FHOD3: variants seen among roughly 807,000 people sequenced by gnomAD.
FHOD3 encodes formin homology 2 domain containing 3, also known as FH1/FH2 domain-containing protein 3.
A neutral mutation model predicts 173.0 loss-of-function variants in FHOD3; 90 were observed. The observed-to-expected ratio is 0.52, with a 90% CI of 0.44 to 0.62. The LOEUF is 0.62. FHOD3 is among the 20% of genes least tolerant of loss of function. The pLI is 0.00. For synonymous variants in FHOD3, 828 were observed against 823.0 expected (o/e 1.01, Z -0.10); for missense variants, 1,945 against 2,034.7 (o/e 0.96, Z 0.85).
At chr18:36,629,654 A>G (rs990711598) in intron 10 of FHOD3, among the ~76,000 whole-genome samples, 6 of 152,168 alleles carry the variant, frequency 3.9e-5, no homozygotes, top group Admixed American at 2.0e-4. Flanking sequence ...CCATGAAGAG[A>G]TAGAGACTAT....
Position 36,297,735 on chromosome 18 carries a change from G to C in FHOD3, c.-101G>C. ...CCTGAGCCTGCGAGTCCGCGAGCCA[G>C]CGAGCTGCGGCTGCGGCCTCCCCTG... is the stretch of plus-strand genomic sequence containing the variant. On this transcript the variant is annotated 5_prime_UTR_variant, in exon 1 of 29. Transcript: ENST00000590592. 1 of 944,802 alleles carries C rather than the reference G, an allele frequency of 1.1e-6. No homozygotes were observed. Among genetic ancestry groups the C allele is most frequent in the Non-Finnish European group, 1.4e-6 (1 of 739,300 alleles). The allele number at this position is 944,802 out of a possible 1,614,324, so 58.5% of individuals were successfully genotyped here. A position where few individuals can be genotyped will look rare whatever the true frequency, so the allele number is the denominator to read the frequency against.
At position 36,386,553 on chromosome 18, in the gene FHOD3, G is replaced by A. The variant is rs148865839; in HGVS notation, c.337+13809G>A. Among the ~76,000 whole-genome samples the A allele has an allele frequency of 8.5e-5, 13 of 152,384 alleles. No individual in the cohort carries two copies. In the East Asian group the frequency reaches 2.5e-3, roughly 29 times the overall value. On this transcript the variant is annotated intron_variant, in intron 3 of 28. Transcript: ENST00000590592. ...GCCCAGGCCAGTGTGAGTCACCTGT[G>A]TGTGCTGTGGCTTGTCTTGGAAGAC... is the stretch of plus-strand genomic sequence containing the variant.
intron 3 of FHOD3, among the ~76,000 whole-genome samples, chr18:36,390,317 G>A (rs1283825576): frequency 1.3e-5 from 2 of 152,196 alleles, no homozygotes; most frequent in African/African-American, 4.8e-5. Flanking sequence ...GCTGTGCTGA[G>A]CTAAATTAAA....
At chr18:36,364,451 G>A (rs1177430339) in intron 2 of FHOD3, among the ~76,000 whole-genome samples, 5 of 152,258 alleles carry the variant, frequency 3.3e-5, no homozygotes, top group Middle Eastern at 6.8e-3. Flanking sequence ...TTGGCCAGAC[G>A]CTCGAGGGCA....
chr18:36,485,709 T>A (rs189664431), intron 3 of FHOD3, among the ~76,000 whole-genome samples: 93 of 152,268 alleles, frequency 6.1e-4, no homozygotes, highest in Middle Eastern at 3.4e-3. Context: ...ATGGACAACA[T>A]CGTGTTGGTT....
intron 3 of FHOD3, among the ~76,000 whole-genome samples, chr18:36,487,504 CTG>C (rs2054252444): frequency 6.6e-6 from 1 of 152,214 alleles, no homozygotes; most frequent in Non-Finnish European, 1.5e-5. Flanking sequence ...CCTTCTGTAA[CTG>C]TGTTATTCCA....
rs386387404 is a variant in FHOD3 at position 36,549,532 on chromosome 18, C to CTTTTTTTTT, written c.512-26904_512-26896dup. Among the ~76,000 whole-genome samples, 29 of 71,232 alleles carry CTTTTTTTTT rather than the reference C, an allele frequency of 4.1e-4. 1 individual carries two copies. Among genetic ancestry groups the CTTTTTTTTT allele is most frequent in the East Asian group, 1.4e-3 (3 of 2,180 alleles). The allele number at this position is 71,232 out of a possible 152,430, so 46.7% of individuals were successfully genotyped here. ...ACATTTAGTGTCAGATCTAAGAAAT[C>CTTTTTTTTT]TTTTTTTTTTTTTTTTTTTTTTTGA... On this transcript the variant is annotated intron_variant, in intron 5 of 28. Coordinates refer to ENST00000590592, the MANE Select transcript of FHOD3 (RefSeq NM_001281740.3).
intron 3 of FHOD3, among the ~76,000 whole-genome samples, chr18:36,422,854 G>A (rs1234525673): frequency 6.6e-6 from 1 of 152,154 alleles, no homozygotes; most frequent in Non-Finnish European, 1.5e-5. Flanking sequence ...GGTGTATCAG[G>A]AAGATGAGCA....
intron 19 of FHOD3, among the ~76,000 whole-genome samples, chr18:36,724,806 G>T (rs369721015): frequency 2.0e-4 from 31 of 152,324 alleles, no homozygotes; most frequent in African/African-American, 7.5e-4. Context: ...TCCTCCAGGG[G>T]AGAAGGGCTA....
At chr18:36,742,519 T>C (rs1191100801) in intron 21 of FHOD3, among the ~76,000 whole-genome samples, 2 of 152,104 alleles carry the variant, frequency 1.3e-5, no homozygotes, top group Admixed American at 1.3e-4. Context: ...AGAGCCCTTG[T>C]CACCCCAGCA....
intron 10 of FHOD3, among the ~76,000 whole-genome samples, chr18:36,629,857 C>T (rs1568519186): frequency 6.6e-6 from 1 of 151,808 alleles, no homozygotes; most frequent in Non-Finnish European, 1.5e-5. Flanking sequence ...GGTTCTTGAC[C>T]GGGGTGATTT....
intron 3 of FHOD3, among the ~76,000 whole-genome samples, chr18:36,436,395 C>A (rs910899724): frequency 6.6e-6 from 1 of 152,116 alleles, no homozygotes; most frequent in Non-Finnish European, 1.5e-5. Context: ...ATGAATTAGA[C>A]AACCAGATTT....
chr18:36,617,153 G>A (rs1442773575), intron 9 of FHOD3, among the ~76,000 whole-genome samples: 2 of 152,214 alleles, frequency 1.3e-5, no homozygotes, highest in Admixed American at 6.5e-5. Flanking sequence ...AGAACTCTCA[G>A]CAAATATCTT....
At chr18:36,755,413 T>C in intron 25 of FHOD3, 102 bp downstream of exon 25, 3 of 862,398 alleles carry the variant, frequency 3.5e-6, no homozygotes, top group Non-Finnish European at 4.7e-6. Context: ...TTTTTTTTTT[T>C]TTTTTTTTTT....
intron 8 of FHOD3, among the ~76,000 whole-genome samples, chr18:36,609,983 G>A (rs1262259146): frequency 6.6e-6 from 1 of 152,170 alleles, no homozygotes; most frequent in African/African-American, 2.4e-5. Context: ...GGTTGGACTT[G>A]CTAAAGCAAT....
At chr18:36,518,137 T>C (rs1390429) in intron 5 of FHOD3, among the ~76,000 whole-genome samples, 88,730 of 152,014 alleles carry the variant, frequency 0.58, 25,924 homozygotes, top group East Asian at 0.62. Context: ...AGGTTGGGTT[T>C]AGACTACAGG....
At chr18:36,763,955 GT>G (rs1305463178) in intron 27 of FHOD3, among the ~76,000 whole-genome samples, 2 of 152,166 alleles carry the variant, frequency 1.3e-5, no homozygotes, top group Admixed American at 1.3e-4. Context: ...TCCATAGATA[GT>G]TTTGGATGTG....
Position 36,779,522 on chromosome 18 carries a change from C to T in FHOD3, c.4861C>T (p.Gln1621Ter). The T allele has an allele frequency of 2.5e-6, 4 of 1,614,126 alleles. No individual in the cohort carries two copies. The highest frequency in any genetic ancestry group is 3.4e-6 in the Non-Finnish European group (4 of 1,179,992). ...GGGCTTGGTTGGCACCTCGGAGTTG[C>T]AGCTGTGACACTCATAGGTTACTCC... ...ALGLVGTSELQL is the reference protein window; with the variant it reads ...ALGLVGTSEL The change falls in exon 29 of 29, where the codon CAG (glutamine) becomes TAG (stop). Residue 1621 changes from glutamine to a stop codon, truncating the protein, a stop_gained. Coordinates refer to ENST00000590592, the MANE Select transcript of FHOD3 (RefSeq NM_001281740.3). LOFTEE classifies it high-confidence loss of function.
At chr18:36,501,885 C>A in intron 3 of FHOD3, 47 bp from the exon 4 acceptor site, 1 of 1,314,660 alleles carries the variant, frequency 7.6e-7, no homozygotes, top group Non-Finnish European at 1.1e-6. Context: ...TTTTCACTGT[C>A]AATAGAGTCA....
Sources: allele counts gnomAD v4.1 joint callset (sites outside exome capture counted in the v4.1 genomes callset), GRCh38; gene constraint gnomAD v4.1.1; transcripts MANE v1.5; gene names NCBI Gene and HGNC (gene_info 2026-07-23, HGNC 2026-07-21).